BICC1: variants seen among roughly 807,000 people sequenced by gnomAD.
BICC1 encodes the protein BicC family RNA binding protein 1, also known as protein bicaudal C homolog 1.
Under a neutral mutation model 111.0 loss-of-function variants are expected in BICC1, and 43 were observed. The ratio of observed to expected loss-of-function variants is 0.39; its 90% CI spans 0.30 to 0.50. The LOEUF is 0.50. Ranked by LOEUF, BICC1 falls within the 20% of genes least tolerant of loss-of-function variation. The probability of loss-of-function intolerance (pLI) is 0.88; values close to 1 mark genes in which losing one functional copy is unlikely to be tolerated. For missense variants in BICC1, 1,091 were observed against 1,203.2 expected (o/e 0.91, Z 1.38); for synonymous variants, 467 against 434.4 (o/e 1.07, Z -0.93).
chr10:58,713,307 C>G (rs1274783503), intron 3 of BICC1, among the ~76,000 whole-genome samples: 2 of 152,124 alleles, frequency 1.3e-5, no homozygotes, highest in East Asian at 3.9e-4. Flanking sequence ...TGTCCTCTTG[C>G]CTGTGGTGAC....
rs893055175 is a variant in BICC1 at position 58,596,700 on chromosome 10, T to G, written c.191-24155T>G. On this transcript the variant is annotated intron_variant, in intron 1 of 20. Coordinates refer to ENST00000373886, the MANE Select transcript of BICC1 (RefSeq NM_001080512.3). ...AATCTCCTTAAGCCGATAAGCAACT[T>G]CAGCAAAGTCTCAGGATACAAAATC... is the stretch of plus-strand genomic sequence containing the variant. Among the ~76,000 whole-genome samples the G allele has an allele frequency of 3.9e-5, 6 of 152,294 alleles. No homozygotes were observed. In the East Asian group the frequency reaches 1.2e-3, roughly 29 times the overall value.
chr10:58,798,328 A>G, intron 10 of BICC1, 71 bp from the exon 11 acceptor site: 6 of 1,160,578 alleles, frequency 5.2e-6, no homozygotes, highest in Non-Finnish European at 7.1e-6. Flanking sequence ...TCCCAATGGC[A>G]ATATTGGTGC....
intron 3 of BICC1, among the ~76,000 whole-genome samples, chr10:58,720,579 C>G (rs1220937144): frequency 6.6e-6 from 1 of 151,944 alleles, no homozygotes; most frequent in African/African-American, 2.4e-5. Context: ...GTGGGAAAGG[C>G]TGAGAGCTGG....
At chr10:58,687,235 T>G (rs1042867467) in intron 2 of BICC1, among the ~76,000 whole-genome samples, 1 of 152,126 alleles carries the variant, frequency 6.6e-6, no homozygotes, top group Non-Finnish European at 1.5e-5. Context: ...CTTCTGGAAG[T>G]TTTGTCTCAG....
chr10:58,812,242 G>A (rs909886697), intron 17 of BICC1, among the ~76,000 whole-genome samples: 1 of 152,044 alleles, frequency 6.6e-6, no homozygotes, highest in African/African-American at 2.4e-5. Flanking sequence ...GGGATTGGCT[G>A]TGTTGAGGGA....
Position 58,829,039 on chromosome 10 carries a change from A to G in BICC1, c.*148A>G. On this transcript the variant is annotated 3_prime_UTR_variant, in exon 21 of 21. Transcript: ENST00000373886. ...TATTCGCACCTGTACTTTATGGCAA[A>G]AAGGAAGAAGAGAGAGAAGATGTTC... 1 of 857,536 alleles carries G rather than the reference A, an allele frequency of 1.2e-6. No individual in the cohort carries two copies. Among genetic ancestry groups the G allele is most frequent in the Non-Finnish European group, 1.7e-6 (1 of 574,150 alleles). 53.1% of individuals were successfully genotyped at this position (857,536 alleles called of 1,614,324 possible). A position where few individuals can be genotyped will look rare whatever the true frequency, so the allele number is the denominator to read the frequency against.
intron 12 of BICC1, among the ~76,000 whole-genome samples, chr10:58,799,780 G>T (rs1843479857): frequency 6.6e-6 from 1 of 152,052 alleles, no homozygotes; most frequent in South Asian, 2.1e-4. Context: ...AAGTCAGGTA[G>T]TATGATGCCT....
intron 15 of BICC1, among the ~76,000 whole-genome samples, chr10:58,805,449 G>A (rs185342566): frequency 1.3e-5 from 2 of 152,274 alleles, no homozygotes; most frequent in African/African-American, 2.4e-5. Context: ...TAGGTTCTCC[G>A]TATACCTTGC....
intron 1 of BICC1, among the ~76,000 whole-genome samples, chr10:58,572,186 C>G (rs931844003): frequency 6.6e-6 from 1 of 151,500 alleles, no homozygotes. Flanking sequence ...TTTTTTTTCT[C>G]GTAAATTTGT....
chr10:58,672,255 C>T (rs983675664), intron 2 of BICC1, among the ~76,000 whole-genome samples: 3 of 152,144 alleles, frequency 2.0e-5, no homozygotes, highest in Admixed American at 6.6e-5. Context: ...TTTCTCCCTC[C>T]TCCCAGTCCC....
intron 1 of BICC1, among the ~76,000 whole-genome samples, chr10:58,557,546 C>A (rs1843487611): frequency 6.6e-6 from 1 of 151,838 alleles, no homozygotes; most frequent in African/African-American, 2.4e-5. Flanking sequence ...TCAATTTTTT[C>A]CAGTATTTTA....
chr10:58,647,898 T>C (rs1838318237), intron 2 of BICC1, among the ~76,000 whole-genome samples: 1 of 152,220 alleles, frequency 6.6e-6, no homozygotes, highest in Admixed American at 6.5e-5. Flanking sequence ...ACAGAGAAAG[T>C]TGATAAGCAT....
rs1183857736 is a variant in BICC1 at position 58,829,834 on chromosome 10, A to C, written c.*943A>C. 1 of 152,224 alleles carries C rather than the reference A, an allele frequency of 6.6e-6. No homozygotes were observed. The allele number at this position is 152,224 out of a possible 1,614,324, so 9.4% of individuals were successfully genotyped here. On this transcript the variant is annotated 3_prime_UTR_variant, in exon 21 of 21. Transcript: ENST00000373886. ...ACTTTTATTTTTAGATATTATAAGC[A>C]TACAGTACATAATTGATGAAATTGA...
rs1564466186 is a variant in BICC1, at chr10:58,513,429, AC to A, written c.190+97del. The A allele has an allele frequency of 4.2e-6, 5 of 1,203,482 alleles. No individual in the cohort carries two copies. The East Asian group carries it at 1.5e-4, about 36-fold the overall frequency. 74.6% of individuals were successfully genotyped at this position (1,203,482 alleles called of 1,614,324 possible). A position where few individuals can be genotyped will look rare whatever the true frequency, so the allele number is the denominator to read the frequency against. On this transcript the variant is annotated intron_variant, in intron 1 of 20. Coordinates refer to ENST00000373886, the MANE Select transcript of BICC1 (RefSeq NM_001080512.3). The stretch of plus-strand genomic sequence containing the variant: ...GCTCCGGCGCCCGCTACTCCAGCCT[AC>A]GGCCGGCCGGTTTAGCTCCAGGCCC...
intron 2 of BICC1, among the ~76,000 whole-genome samples, chr10:58,647,529 G>A (rs1192172452): frequency 6.6e-6 from 1 of 152,148 alleles, no homozygotes; most frequent in Non-Finnish European, 1.5e-5. Flanking sequence ...ATGAATCATA[G>A]TGGTTACAGT....
intron 3 of BICC1, among the ~76,000 whole-genome samples, chr10:58,706,576 A>G (rs1275946424): frequency 6.6e-6 from 1 of 152,182 alleles, no homozygotes; most frequent in Non-Finnish European, 1.5e-5. Flanking sequence ...AATCCCCTTT[A>G]TCCCCAGATG....
chr10:58,654,565 G>T (rs1838566936), intron 2 of BICC1, among the ~76,000 whole-genome samples: 1 of 78,742 alleles, frequency 1.3e-5, no homozygotes, highest in African/African-American at 4.4e-5. Context: ...TGAGTTCATT[G>T]TAGATTCTGG....
intron 3 of BICC1, among the ~76,000 whole-genome samples, chr10:58,729,873 G>T (rs1483290919): frequency 6.6e-6 from 1 of 152,160 alleles, no homozygotes; most frequent in Non-Finnish European, 1.5e-5. Flanking sequence ...CCTCCCACCA[G>T]GCCCCACCTC....
intron 3 of BICC1, among the ~76,000 whole-genome samples, chr10:58,739,737 A>G (rs889857216): frequency 1.3e-5 from 2 of 152,170 alleles, no homozygotes; most frequent in Non-Finnish European, 2.9e-5. Flanking sequence ...AGATATATGT[A>G]CACATATCCC....
Sources: gnomAD v4.1 joint callset for allele counts (sites outside exome capture counted in the v4.1 genomes callset) on GRCh38, gnomAD v4.1.1 for gene constraint, MANE v1.5 for transcripts, NCBI Gene and HGNC (gene_info 2026-07-23, HGNC 2026-07-21) for gene names.